The following METTL2B variants were observed in gnomAD, a reference collection of about 807,000 sequenced individuals.
The protein encoded by METTL2B is methyltransferase 2B, tRNA N3-cytidine.
Under a neutral mutation model 51.0 loss-of-function variants are expected in METTL2B, and 28 were observed. That is an observed-to-expected ratio of 0.55 (90% CI 0.41 to 0.75). The LOEUF (loss-of-function observed/expected upper bound fraction) is 0.75, where lower values mean the gene tolerates loss of function less well. METTL2B is among the 30% of genes least tolerant of loss of function. The pLI, the probability that METTL2B is intolerant of heterozygous loss-of-function variation, is 0.00. For missense variants in METTL2B, 313 were observed against 460.7 expected (o/e 0.68, Z 2.93); for synonymous variants, 128 against 166.3 (o/e 0.77, Z 1.77).
intron 5 of METTL2B, among the ~76,000 whole-genome samples, chr7:128,491,790 C>A (rs1792838677): frequency 6.8e-6 from 1 of 147,928 alleles, no homozygotes. Context: ...GGGTCTGTCA[C>A]AATTATGTAT....
At chr7:128,501,211 T>C (rs541825818) in intron 8 of METTL2B, 1 of 985,328 alleles carries the variant, frequency 1.0e-6, no homozygotes, top group Non-Finnish European at 1.2e-6. Context: ...TGTCTGCCAC[T>C]GTCCAAAATG....
chr7:128,493,348 G>A (rs1042330471), intron 5 of METTL2B, among the ~76,000 whole-genome samples: 2 of 152,066 alleles, frequency 1.3e-5, no homozygotes, highest in Admixed American at 6.6e-5. Flanking sequence ...GAGTAGCTGG[G>A]ATTATAGGCA....
At position 128,477,162 on chromosome 7, in the gene METTL2B, A is replaced by C. The variant is rs1282784635; in HGVS notation, c.191A>C (p.Gln64Pro). The C allele has an allele frequency of 6.2e-7, 1 of 1,613,900 alleles. No individual in the cohort carries two copies. Among genetic ancestry groups the C allele is most frequent in the East Asian group, 2.2e-5 (1 of 44,868 alleles). ...VQENSIQRVCQEKQVDYEINA... is the reference protein window; with the variant it reads ...VQENSIQRVCPEKQVDYEINA... Reference sequence around the variant, plus strand: ...GAGAACAGTATCCAGCGGGTGTGCCAGGAGAAACAAGGTGCGCTTAAATGG... The same window carrying C: ...GAGAACAGTATCCAGCGGGTGTGCCCGGAGAAACAAGGTGCGCTTAAATGG... The change falls in exon 2 of 9, where the codon CAG becomes CCG. Residue 64 changes from glutamine (Q) to proline (P), a missense_variant. Gln to Pro is a moderately conservative substitution (Grantham distance 76). Around this residue, in one of 4 missense-constraint regions of METTL2B, gnomAD observed 67 missense variants for 101.4 expected, o/e 0.66. Coordinates refer to ENST00000262432, the MANE Select transcript of METTL2B (RefSeq NM_018396.3).
At chr7:128,494,734 T>C (rs937403575) in intron 6 of METTL2B, among the ~76,000 whole-genome samples, 1 of 152,240 alleles carries the variant, frequency 6.6e-6, no homozygotes. Flanking sequence ...TTCACACAAT[T>C]GTCCTGCCTC....
Position 128,504,805 on chromosome 7 carries a change from G to T in METTL2B, c.*2889G>T, listed in dbSNP as rs117600593. ...GCCAACTTAATGAAACCCCATCTCT[G>T]CTAACAATACAGACCAGGCATGGTG... is the stretch of plus-strand genomic sequence containing the variant. On this transcript the variant is annotated 3_prime_UTR_variant, in exon 9 of 9. Coordinates refer to ENST00000262432, the MANE Select transcript of METTL2B (RefSeq NM_018396.3). 0.083 allele frequency: 12,520 copies of T among 151,280 alleles called. 712 individuals carry two copies. Among genetic ancestry groups the T allele is most frequent in the Non-Finnish European group, 0.12 (8,220 of 67,792 alleles). The allele number at this position is 151,280 out of a possible 1,614,324, so 9.4% of individuals were successfully genotyped here.
At position 128,502,668 on chromosome 7, in the gene METTL2B, G is replaced by T. The variant is rs1414415969; in HGVS notation, c.*752G>T. ...AATCCCAGCACTTTGGGAGGCCGAG[G>T]CGGGCAGATCACCTGAGGTCAGGAG... On this transcript the variant is annotated 3_prime_UTR_variant, in exon 9 of 9. Transcript: ENST00000262432. The T allele has an allele frequency of 6.7e-6, 3 of 445,904 alleles. No homozygotes were observed. Among genetic ancestry groups the T allele is most frequent in the African/African-American group, 6.1e-5 (3 of 49,192 alleles). The allele number at this position is 445,904 out of a possible 1,614,324, so 27.6% of individuals were successfully genotyped here. A position where few individuals can be genotyped will look rare whatever the true frequency, so the allele number is the denominator to read the frequency against.
chr7:128,478,286 C>G (rs926761265), intron 2 of METTL2B, among the ~76,000 whole-genome samples: 4 of 149,748 alleles, frequency 2.7e-5, no homozygotes, highest in African/African-American at 9.9e-5. Context: ...GAGTCTCGCT[C>G]TGTCACCAGG....
chr7:128,485,786 C>T (rs1436098414), intron 4 of METTL2B, among the ~76,000 whole-genome samples: 1 of 152,152 alleles, frequency 6.6e-6, no homozygotes, highest in Non-Finnish European at 1.5e-5. Flanking sequence ...CACTGTACTC[C>T]AGGTGACAGA....
At chr7:128,482,814 G>A (rs1479522862) in intron 4 of METTL2B, among the ~76,000 whole-genome samples, 7 of 152,212 alleles carry the variant, frequency 4.6e-5, no homozygotes, top group African/African-American at 7.2e-5. Context: ...GATTACAGGC[G>A]TGAGCCATGG....
chr7:128,479,771 A>G (rs1799850174), intron 3 of METTL2B, among the ~76,000 whole-genome samples: 1 of 152,254 alleles, frequency 6.6e-6, no homozygotes, highest in Non-Finnish European at 1.5e-5. Context: ...TAATAGCATC[A>G]TGCTGTACCT....
intron 1 of METTL2B, 100 bp from the exon 2 acceptor site, chr7:128,476,982 C>T: frequency 3.8e-6 from 6 of 1,593,302 alleles, no homozygotes; most frequent in Non-Finnish European, 5.1e-6. Context: ...GCTGCCCTAC[C>T]CGAGGCACTC....
chr7:128,494,074 C>G, intron 6 of METTL2B, 131 bp downstream of exon 6: 1 of 1,200,346 alleles, frequency 8.3e-7, no homozygotes, highest in Non-Finnish European at 1.2e-6. Flanking sequence ...CTCACTGCAG[C>G]CTTAATCTCT....
In METTL2B at chr7:128,479,219, G is replaced by A. The variant is rs954184013; in HGVS notation, c.264G>A (p.Gly88=). ...ACTTCTACAAAATCCACGAAAATGG[G>A]TTTTTCAAGGATAGACATTGGCTTT... ...WNDFYKIHEN[G]FFKDRHWLFT... The change falls in exon 3 of 9, where the codon GGG becomes GGA. Residue 88 remains glycine, a synonymous_variant. Coordinates refer to ENST00000262432, the MANE Select transcript of METTL2B (RefSeq NM_018396.3). The A allele has an allele frequency of 3.7e-5, 59 of 1,614,092 alleles. No homozygotes were observed. Among genetic ancestry groups the A allele is most frequent in the Non-Finnish European group, 4.6e-5 (54 of 1,180,036 alleles).
chr7:128,476,847 C>G lies in METTL2B; in HGVS notation c.82C>G (p.Pro28Ala). 1 of 1,614,204 alleles carries G rather than the reference C, an allele frequency of 6.2e-7. No homozygotes were observed. The highest frequency in any genetic ancestry group is 8.5e-7 in the Non-Finnish European group (1 of 1,180,046). ...QQFGSRFLSD[P>A]ARVFHHNAWD... ...GTTCGGAAGCCGGTTCCTGAGCGAT[C>G]CGGCGCGCGTCTTCCACCACAATGC... The change falls in exon 1 of 9, where the codon CCG becomes GCG. Residue 28 changes from proline (P) to alanine (A), a missense_variant. Physicochemically the swap from Pro to Ala is conservative, Grantham distance 27. Around this residue, in one of 4 missense-constraint regions of METTL2B, gnomAD observed 66 missense variants for 58.2 expected, o/e 1.13. Coordinates refer to ENST00000262432, the MANE Select transcript of METTL2B (RefSeq NM_018396.3).
chr7:128,482,887 T>G (rs987889433), intron 4 of METTL2B: 4 of 152,240 alleles, frequency 2.6e-5, no homozygotes, highest in Non-Finnish European at 4.4e-5. Context: ...CTGTATTCAT[T>G]ACTGGAATCC....
At chr7:128,499,414 G>A (rs577753092) in intron 7 of METTL2B, among the ~76,000 whole-genome samples, 31 of 151,796 alleles carry the variant, frequency 2.0e-4, no homozygotes, top group African/African-American at 6.3e-4. Context: ...GCGCAATGGC[G>A]CGATCTCGGC....
intron 7 of METTL2B, among the ~76,000 whole-genome samples, chr7:128,499,273 T>A (rs1258143115): frequency 6.6e-6 from 1 of 152,092 alleles, no homozygotes; most frequent in Non-Finnish European, 1.5e-5. Context: ...GAAATAAAAA[T>A]AACAAGTTAG....
intron 7 of METTL2B, among the ~76,000 whole-genome samples, chr7:128,499,126 A>G (rs1030033324): frequency 1.3e-5 from 2 of 152,236 alleles, no homozygotes; most frequent in Non-Finnish European, 2.9e-5. Context: ...ATAATAGATG[A>G]AGACTTAATA....
chr7:128,493,656 G>C, intron 5 of METTL2B, 148 bp from the exon 6 acceptor site: 1 of 1,127,922 alleles, frequency 8.9e-7, no homozygotes. Flanking sequence ...AACATGGGGA[G>C]ATTTTGCCTC....
Sources: gnomAD v4.1 joint callset for allele counts (sites outside exome capture counted in the v4.1 genomes callset) on GRCh38, gnomAD v4.1.1 for gene constraint, gnomAD v4.1.1 regional missense constraint, MANE v1.5 for transcripts, NCBI Gene and HGNC (gene_info 2026-07-23, HGNC 2026-07-21) for gene names.